The following KCNK1 variants were observed in gnomAD, a reference collection of about 807,000 sequenced individuals.
KCNK1 encodes the protein potassium two pore domain channel subfamily K member 1.
Under a neutral mutation model 22.2 loss-of-function variants are expected in KCNK1, and 10 were observed. The ratio of observed to expected loss-of-function variants is 0.45; its 90% confidence interval spans 0.28 to 0.76. KCNK1 has a LOEUF of 0.76. Ranked by LOEUF, KCNK1 falls within the 30% of genes least tolerant of loss-of-function variation. The probability of loss-of-function intolerance (pLI) is 0.14; values close to 1 mark genes in which losing one functional copy is unlikely to be tolerated. For synonymous variants in KCNK1, 200 were observed against 186.4 expected (o/e 1.07, Z -0.60); for missense variants, 378 against 421.0 (o/e 0.90, Z 0.89).
intron 1 of KCNK1, among the ~76,000 whole-genome samples, chr1:233,665,354 CA>C (rs1442054335): frequency 6.6e-6 from 1 of 152,316 alleles, no homozygotes; most frequent in East Asian, 1.9e-4. Context: ...ATTTCAGTCA[CA>C]AAAGCCAGGA....
chr1:233,622,465 A>G (rs906705730), intron 1 of KCNK1, among the ~76,000 whole-genome samples: 1 of 152,194 alleles, frequency 6.6e-6, no homozygotes, highest in Non-Finnish European at 1.5e-5. Flanking sequence ...AAAGCAAGCA[A>G]CTTTTGAGGT....
chr1:233,633,003 A>G (rs1657833117), intron 1 of KCNK1, among the ~76,000 whole-genome samples: 1 of 151,704 alleles, frequency 6.6e-6, no homozygotes, highest in Non-Finnish European at 1.5e-5. Context: ...TCCCAACCAG[A>G]TCTTCCTCCT....
In KCNK1 at chr1:233,666,784, T is replaced by A; in HGVS notation, c.545T>A (p.Val182Asp). Residue 182 changes from valine to aspartate, a missense_variant, in exon 2 of 3, where the codon GTC becomes GAC. Coordinates refer to ENST00000366621, the MANE Select transcript of KCNK1 (RefSeq NM_002245.4). ...TTCTCCAAGCAGGTGGTGGCCATCG[T>A]CCATGCCGTGCTCCTTGGGTTTGTC... ...WGFSKQVVAIVHAVLLGFVTV... is the reference protein window; with the variant it reads ...WGFSKQVVAIDHAVLLGFVTV... The A allele has an allele frequency of 6.2e-7, 1 of 1,614,220 alleles. No homozygotes were observed. Among genetic ancestry groups the A allele is most frequent in the Non-Finnish European group, 8.5e-7 (1 of 1,180,048 alleles).
At chr1:233,656,363 G>A (rs539885811) in intron 1 of KCNK1, among the ~76,000 whole-genome samples, 1 of 152,338 alleles carries the variant, frequency 6.6e-6, no homozygotes, top group Non-Finnish European at 1.5e-5. Flanking sequence ...TGATAAGTGA[G>A]GGTGGTGCGT....
intron 1 of KCNK1, among the ~76,000 whole-genome samples, chr1:233,634,801 CTG>C (rs1291984231): frequency 6.6e-6 from 1 of 152,210 alleles, no homozygotes; most frequent in Non-Finnish European, 1.5e-5. Context: ...GCAAGATCAT[CTG>C]TTGGGAGCAG....
chr1:233,645,018 C>T lies in KCNK1; in HGVS notation c.356-21577C>T, dbSNP rs142214877. 7.4e-3 allele frequency among the ~76,000 whole-genome samples: 1,121 copies of T among 151,962 alleles called. 8 individuals carry two copies. The highest frequency in any genetic ancestry group is 0.018 in the South Asian group (87 of 4,800). On this transcript the variant is annotated intron_variant, in intron 1 of 2. Transcript: ENST00000366621. ...GACCATCCTGGCCAACATGGTGAAA[C>T]CCCATCTCTACTAAAAATACAAAAA...
chr1:233,629,493 G>T (rs993817107), intron 1 of KCNK1: 1 of 152,208 alleles, frequency 6.6e-6, no homozygotes, highest in Non-Finnish European at 1.5e-5. Context: ...CTCCCTGCTG[G>T]CACACAGCAG....
In KCNK1 at chr1:233,668,885, G is replaced by A. The variant is rs148944755; in HGVS notation, c.751+1895G>A. On this transcript the variant is annotated intron_variant, in intron 2 of 2. Transcript: ENST00000366621. ...CTACCAAAGTGCTGGGATTACAGGC[G>A]TGAGCCACCCCACCTGGCCAAGAAT... Among the ~76,000 whole-genome samples the A allele has an allele frequency of 7.9e-3, 1,197 of 152,260 alleles. 47 individuals carry two copies. In the East Asian group the frequency reaches 0.1, roughly 13 times the overall value.
intron 1 of KCNK1, among the ~76,000 whole-genome samples, chr1:233,664,953 G>T (rs1210053073): frequency 6.6e-6 from 1 of 152,158 alleles, no homozygotes; most frequent in East Asian, 1.9e-4. Context: ...AGACATGTTA[G>T]TTCTTTTAAG....
chr1:233,669,080 G>A (rs1471071346), intron 2 of KCNK1, among the ~76,000 whole-genome samples: 1 of 152,184 alleles, frequency 6.6e-6, no homozygotes, highest in African/African-American at 2.4e-5. Flanking sequence ...GACAGTTTCA[G>A]CACTCCTGGG....
At chr1:233,664,766 C>T (rs1558120028) in intron 1 of KCNK1, among the ~76,000 whole-genome samples, 1 of 152,178 alleles carries the variant, frequency 6.6e-6, no homozygotes, top group Non-Finnish European at 1.5e-5. Flanking sequence ...AAGTATAAGG[C>T]AGAGAATTTG....
At chr1:233,652,882 A>G (rs1397666238) in intron 1 of KCNK1, among the ~76,000 whole-genome samples, 3 of 152,082 alleles carry the variant, frequency 2.0e-5, no homozygotes, top group African/African-American at 7.2e-5. Flanking sequence ...TTATCTTTTT[A>G]TTCTGATGCT....
At chr1:233,661,081 T>C (rs149224118) in intron 1 of KCNK1, among the ~76,000 whole-genome samples, 72 of 152,310 alleles carry the variant, frequency 4.7e-4, no homozygotes, top group African/African-American at 1.6e-3. Context: ...TATACACATA[T>C]GGCAAGCAGC....
chr1:233,643,043 A>C (rs1219220811), intron 1 of KCNK1, among the ~76,000 whole-genome samples: 2 of 151,554 alleles, frequency 1.3e-5, no homozygotes, highest in African/African-American at 4.9e-5. Context: ...TGGCCTCCCA[A>C]ATTGCTGGTA....
chr1:233,644,752 A>G (rs1349470562), intron 1 of KCNK1, among the ~76,000 whole-genome samples: 1 of 152,108 alleles, frequency 6.6e-6, no homozygotes, highest in African/African-American at 2.4e-5. Context: ...TTCTGTCCAG[A>G]GGGATGTGGT....
chr1:233,670,903 T>G (rs557591833), intron 2 of KCNK1, among the ~76,000 whole-genome samples: 12 of 152,350 alleles, frequency 7.9e-5, no homozygotes, highest in African/African-American at 2.9e-4. Context: ...AGCCACTGAT[T>G]ATAAAGCAGA....
intron 1 of KCNK1, among the ~76,000 whole-genome samples, chr1:233,664,223 C>T (rs993948662): frequency 2.6e-5 from 4 of 152,148 alleles, no homozygotes; most frequent in South Asian, 2.1e-4. Context: ...CTTGGTGCCT[C>T]GCTGAAGTTG....
intron 1 of KCNK1, among the ~76,000 whole-genome samples, chr1:233,653,781 C>A (rs186313236): frequency 1.2e-4 from 18 of 152,014 alleles, no homozygotes; most frequent in Admixed American, 5.2e-4. Context: ...TGCTGGCTTC[C>A]GTAATTGGAT....
At chr1:233,638,568 G>A (rs1463486109) in intron 1 of KCNK1, among the ~76,000 whole-genome samples, 3 of 152,208 alleles carry the variant, frequency 2.0e-5, no homozygotes, top group Admixed American at 6.5e-5. Flanking sequence ...ATCGTTGACC[G>A]ATTGTGGAGG....
Sources: allele counts gnomAD v4.1 joint callset (sites outside exome capture counted in the v4.1 genomes callset), GRCh38; gene constraint gnomAD v4.1.1; transcripts MANE v1.5; gene names NCBI Gene and HGNC (gene_info 2026-07-23, HGNC 2026-07-21).